The following CHST6 variants were observed in gnomAD, a reference collection of about 807,000 sequenced individuals.
CHST6 encodes the protein N-acetylglucosamine 6-O-sulfotransferase 5.
For missense variants in CHST6, 698 were observed against 586.2 expected (o/e 1.19, Z -1.97); for synonymous variants, 309 against 276.4 (o/e 1.12, Z -1.17).
chr16:75,480,979 T>C (rs1299957225), intron 2 of CHST6, among the ~76,000 whole-genome samples: 1 of 143,692 alleles, frequency 7.0e-6, no homozygotes, highest in Non-Finnish European at 1.5e-5. Flanking sequence ...ATAGGCAGGA[T>C]GCGAGCCTGG....
chr16:75,491,158 T>TC (rs1405683526), intron 1 of CHST6, among the ~76,000 whole-genome samples: 1 of 68,838 alleles, frequency 1.5e-5, no homozygotes, highest in Non-Finnish European at 2.5e-5. Context: ...AGAGTGAAAC[T>TC]CCGTCTTAAA....
At chr16:75,485,320 G>T (rs1163539866) in intron 1 of CHST6, among the ~76,000 whole-genome samples, 1 of 152,152 alleles carries the variant, frequency 6.6e-6, no homozygotes, top group East Asian at 1.9e-4. Flanking sequence ...ATGCCTGGAG[G>T]CCAGGCACGG....
rs891570308 is a variant in CHST6 at position 75,481,848 on chromosome 16, G to A, written c.-48C>T. On this transcript the variant is annotated 5_prime_UTR_variant, in exon 2 of 3. Transcript: ENST00000332272. Reference sequence around the variant, plus strand: ...CCAGGGCTGCTGGGAGAGCTGCAACGCTGATCACAAATCCATGGGAGATGA... The same window carrying A: ...CCAGGGCTGCTGGGAGAGCTGCAACACTGATCACAAATCCATGGGAGATGA... 20 of 593,130 alleles carry A rather than the reference G, an allele frequency of 3.4e-5. No homozygotes were observed. The highest frequency in any genetic ancestry group is 4.7e-5 in the Non-Finnish European group (16 of 341,030). 36.7% of individuals were successfully genotyped at this position (593,130 alleles called of 1,614,324 possible). A position where few individuals can be genotyped will look rare whatever the true frequency, so the allele number is the denominator to read the frequency against.
intron 1 of CHST6, among the ~76,000 whole-genome samples, chr16:75,486,328 G>C (rs2080197701): frequency 6.6e-6 from 1 of 152,224 alleles, no homozygotes; most frequent in Non-Finnish European, 1.5e-5. Context: ...AGGTGCACTG[G>C]ACATGCTTGG....
chr16:75,482,226 C>T (rs754716090), intron 1 of CHST6, among the ~76,000 whole-genome samples: 1 of 152,190 alleles, frequency 6.6e-6, no homozygotes, highest in Non-Finnish European at 1.5e-5. Flanking sequence ...CCTCTGGCCT[C>T]CAACCACCAG....
Position 75,478,543 on chromosome 16 carries a change from T to C in CHST6, c.*98A>G. ...GGGGAGGGGTCGTACCACAAACTCC[T>C]TGGTCAATATAGGGACCTGCTTCTC... On this transcript the variant is annotated 3_prime_UTR_variant, in exon 3 of 3. Coordinates refer to ENST00000332272, the MANE Select transcript of CHST6 (RefSeq NM_021615.5). 1 of 1,240,380 alleles carries C rather than the reference T, an allele frequency of 8.1e-7. No homozygotes were observed. The highest frequency in any genetic ancestry group is 1.2e-6 in the Non-Finnish European group (1 of 844,334). The allele number at this position is 1,240,380 out of a possible 1,614,324, so 76.8% of individuals were successfully genotyped here.
rs374568320 is a variant in CHST6, at chr16:75,483,981, G to A, written c.-91-2090C>T. ...ACAGGTTGCAGTGAGCAGAGACTGT[G>A]TGACTGCACTCCAGCCTGGAAAACG... On this transcript the variant is annotated intron_variant, in intron 1 of 2. Transcript: ENST00000332272. Among the ~76,000 whole-genome samples the A allele has an allele frequency of 1.8e-4, 28 of 151,960 alleles. 1 individual carries two copies. The South Asian group carries it at 5.2e-3, about 28-fold the overall frequency.
rs772628651 is a variant in CHST6 at position 75,479,081 on chromosome 16, C to T, written c.748G>A (p.Val250Ile). ...RVVREVCRSH[V>I]RIAEAATLKP... ...AGTGTGGCGGCCTCGGCGATGCGTA[C>T]GTGGCTACGGCACACCTCGCGCACC... The change falls in exon 3 of 3, where the codon GTA becomes ATA. Residue 250 changes from valine (V) to isoleucine (I), a missense_variant. Val to Ile is a conservative substitution (Grantham distance 29). Coordinates refer to ENST00000332272, the MANE Select transcript of CHST6 (RefSeq NM_021615.5). 2.9e-5 allele frequency: 46 copies of T among 1,605,586 alleles called. 1 individual carries two copies. Among genetic ancestry groups the T allele is most frequent in the East Asian group, 2.2e-5 (1 of 44,874 alleles).
chr16:75,491,178 AAAAAAAAAAAAAATATAT>A (rs1319131985), intron 1 of CHST6, among the ~76,000 whole-genome samples: 56 of 79,922 alleles, frequency 7.0e-4, no homozygotes, highest in African/African-American at 2.9e-3. Context: ...AAAAAAAAAA[AAAAAAAAAAAAAATATAT>A]ATATATATAT....
At chr16:75,493,315 C>A (rs2080275902) in intron 1 of CHST6, among the ~76,000 whole-genome samples, 1 of 151,930 alleles carries the variant, frequency 6.6e-6, no homozygotes, top group Non-Finnish European at 1.5e-5. Flanking sequence ...TTGAGACCAG[C>A]CTGACCAACA....
chr16:75,479,988 G>T, intron 2 of CHST6, 144 bp from the exon 3 acceptor site: 1 of 702,044 alleles, frequency 1.4e-6, no homozygotes, highest in Non-Finnish European at 2.3e-6. Flanking sequence ...AGCTCTCCCG[G>T]AAATGTGGCC....
intron 1 of CHST6, among the ~76,000 whole-genome samples, chr16:75,483,238 G>C (rs538142245): frequency 6.6e-6 from 1 of 152,320 alleles, no homozygotes; most frequent in African/African-American, 2.4e-5. Context: ...ACCTGTGATT[G>C]CTCCCTGCAG....
intron 1 of CHST6, among the ~76,000 whole-genome samples, chr16:75,489,478 G>T (rs1567415229): frequency 6.6e-6 from 1 of 151,580 alleles, no homozygotes; most frequent in East Asian, 1.9e-4. Context: ...GTCAGAGTTG[G>T]AAGTCTAGCA....
At position 75,476,301 on chromosome 16, in the gene CHST6, C is replaced by T. The variant is rs1259198336; in HGVS notation, c.*2340G>A. On this transcript the variant is annotated 3_prime_UTR_variant, in exon 3 of 3. Coordinates refer to ENST00000332272, the MANE Select transcript of CHST6 (RefSeq NM_021615.5). ...GTACAGTGGCTCATGCCTGTAATCT[C>T]AGCACTTTGGGAGGCTGAGGTGGGC... 6.6e-6 allele frequency: 1 copy of T among 151,722 alleles called. No homozygotes were observed. Among genetic ancestry groups the T allele is most frequent in the Non-Finnish European group, 1.5e-5 (1 of 68,008 alleles). 9.4% of individuals were successfully genotyped at this position (151,722 alleles called of 1,614,324 possible).
intron 1 of CHST6, 69 bp from the exon 2 acceptor site, chr16:75,481,960 C>T (rs985724161): frequency 2.3e-6 from 1 of 426,918 alleles, no homozygotes; most frequent in Admixed American, 2.6e-5. Flanking sequence ...GACACAACTT[C>T]TCTGAGGCTC....
chr16:75,474,644 G>C lies in CHST6; in HGVS notation c.*3997C>G, dbSNP rs2080048624. The stretch of plus-strand genomic sequence containing the variant: ...GGAGGCTGGGAAGCCCAAGATCAAG[G>C]AGCCAGCATCTAGCGAGAGCCTTCT... On this transcript the variant is annotated 3_prime_UTR_variant, in exon 3 of 3. Coordinates refer to ENST00000332272, the MANE Select transcript of CHST6 (RefSeq NM_021615.5). The C allele has an allele frequency of 2.5e-6, 1 of 398,918 alleles. No individual in the cohort carries two copies. Among genetic ancestry groups the C allele is most frequent in the Non-Finnish European group, 4.4e-6 (1 of 226,330 alleles). 24.7% of individuals were successfully genotyped at this position (398,918 alleles called of 1,614,324 possible). A position where few individuals can be genotyped will look rare whatever the true frequency, so the allele number is the denominator to read the frequency against.
At chr16:75,484,688 A>C (rs1003811420) in intron 1 of CHST6, among the ~76,000 whole-genome samples, 1 of 152,028 alleles carries the variant, frequency 6.6e-6, no homozygotes, top group Non-Finnish European at 1.5e-5. Flanking sequence ...TACTAAAAAT[A>C]CAAAAATTAG....
At position 75,476,440 on chromosome 16, in the gene CHST6, C is replaced by T. The variant is rs769978104; in HGVS notation, c.*2201G>A. 6.6e-6 allele frequency: 1 copy of T among 150,924 alleles called. No homozygotes were observed. Among genetic ancestry groups the T allele is most frequent in the Non-Finnish European group, 1.5e-5 (1 of 67,872 alleles). 9.3% of individuals were successfully genotyped at this position (150,924 alleles called of 1,614,324 possible). On this transcript the variant is annotated 3_prime_UTR_variant, in exon 3 of 3. Coordinates refer to ENST00000332272, the MANE Select transcript of CHST6 (RefSeq NM_021615.5). ...GTGGTGCATCCCTGTAGTCCCAGCT[C>T]CTCAGGAGGCTGAGGCAGGAGAATT...
chr16:75,479,401 A>G lies in CHST6; in HGVS notation c.428T>C (p.Ile143Thr). ...PACSAFPRGA[I>T]SSEAVCKPLC... is the part of the protein sequence containing the mutation. The stretch of plus-strand genomic sequence containing the variant: ...TGGCTTGCACACGGCCTCGCTGCTG[A>G]TGGCGCCTCGGGGAAAGGCACTGCA... Residue 143 changes from isoleucine (I) to threonine (T), a missense_variant, in exon 3 of 3, where the codon ATC becomes ACC. Transcript: ENST00000332272. 1 of 1,612,856 alleles carries G rather than the reference A, an allele frequency of 6.2e-7. No individual in the cohort carries two copies. The highest frequency in any genetic ancestry group is 8.5e-7 in the Non-Finnish European group (1 of 1,179,816).
Sources: allele counts gnomAD v4.1 joint callset (sites outside exome capture counted in the v4.1 genomes callset), GRCh38; gene constraint gnomAD v4.1.1; transcripts MANE v1.5; gene names NCBI Gene and HGNC (gene_info 2026-07-23, HGNC 2026-07-21).